NAA35: variants seen among roughly 807,000 people sequenced by gnomAD.
NAA35 encodes the protein MAK10 homolog, amino-acid N-acetyltransferase subunit.
A neutral mutation model predicts 101.7 loss-of-function variants in NAA35; 18 were observed. The observed-to-expected ratio is 0.18, with a 90% CI of 0.12 to 0.26. NAA35 has a LOEUF of 0.26. Among genes scored for constraint, NAA35 ranks in the 10% least tolerant of loss-of-function variants. NAA35 has a pLI of 1.00. For synonymous variants in NAA35, 267 were observed against 273.1 expected, an observed-to-expected ratio of 0.98 and a Z score of 0.22; for missense variants, 601 against 886.8, an observed-to-expected ratio of 0.68 and a Z score of 4.09.
chr9:85,965,399 G>A (rs1460209673), intron 6 of NAA35, among the ~76,000 whole-genome samples: 1 of 152,174 alleles, frequency 6.6e-6, no homozygotes, highest in Non-Finnish European at 1.5e-5. Context: ...AGGATGAAGT[G>A]GGCGGATGGC....
chr9:86,008,296 A>G (rs143027045), intron 14 of NAA35, among the ~76,000 whole-genome samples: 8 of 152,282 alleles, frequency 5.3e-5, no homozygotes, highest in Non-Finnish European at 7.4e-5. Context: ...CCCTGACCTC[A>G]AGTGATCTGC....
chr9:86,011,995 A>T (rs907999362), intron 15 of NAA35, among the ~76,000 whole-genome samples: 7 of 142,590 alleles, frequency 4.9e-5, no homozygotes, highest in African/African-American at 7.9e-5. Flanking sequence ...TATTATATAT[A>T]ATAATATATA....
intron 2 of NAA35, among the ~76,000 whole-genome samples, chr9:85,953,864 C>T (rs979673121): frequency 4.6e-5 from 7 of 152,134 alleles, no homozygotes; most frequent in Admixed American, 2.0e-4. Flanking sequence ...TCAGAATTTC[C>T]TTCCTTTTTA....
Position 86,024,760 on chromosome 9 carries a change from A to G in NAA35, c.*2800A>G, listed in dbSNP as rs886090161. Among the ~76,000 whole-genome samples the G allele has an allele frequency of 6.6e-6, 1 of 152,134 alleles. No individual in the cohort carries two copies. The highest frequency in any genetic ancestry group is 1.5e-5 in the Non-Finnish European group (1 of 68,020). ...CCAGGTTTGGGATAAAGATTGCTTTAGACATTGAGATATCTTTGGGACATC... is the reference window on the plus strand; with the variant it reads ...CCAGGTTTGGGATAAAGATTGCTTTGGACATTGAGATATCTTTGGGACATC... On this transcript the variant is annotated 3_prime_UTR_variant, in exon 23 of 23. Coordinates refer to ENST00000361671, the MANE Select transcript of NAA35 (RefSeq NM_024635.4).
At chr9:86,007,268 G>A (rs545523616) in intron 13 of NAA35, 90 bp from the exon 14 acceptor site, 225 of 866,732 alleles carry the variant, frequency 2.6e-4, no homozygotes, top group Admixed American at 1.2e-3. Flanking sequence ...AATCACTTGC[G>A]TAGTCTGTGG....
intron 11 of NAA35, among the ~76,000 whole-genome samples, chr9:85,995,420 A>G (rs1831112828): frequency 6.6e-6 from 1 of 151,986 alleles, no homozygotes; most frequent in Non-Finnish European, 1.5e-5. Context: ...CACAATTTAT[A>G]TTAGAATAAG....
At chr9:86,009,964 T>A in intron 15 of NAA35, 33 bp downstream of exon 15, 1 of 1,565,366 alleles carries the variant, frequency 6.4e-7, no homozygotes, top group Non-Finnish European at 8.8e-7. Context: ...TCATAATGGG[T>A]ACTTTAAAAA....
chr9:85,956,327 A>T, intron 2 of NAA35, 33 bp from the exon 3 acceptor site: 1 of 1,263,524 alleles, frequency 7.9e-7, no homozygotes, highest in South Asian at 1.4e-5. Context: ...AAATATAAAT[A>T]TGTTCAAAGG....
At chr9:85,945,856 G>T (rs1378405241) in intron 2 of NAA35, among the ~76,000 whole-genome samples, 1 of 152,078 alleles carries the variant, frequency 6.6e-6, no homozygotes, top group East Asian at 1.9e-4. Flanking sequence ...AAAATAGTTG[G>T]CATACTGATG....
intron 11 of NAA35, among the ~76,000 whole-genome samples, chr9:85,987,866 G>A (rs1354654864): frequency 1.3e-5 from 2 of 152,212 alleles, no homozygotes; most frequent in African/African-American, 4.8e-5. Flanking sequence ...GACAAAACTT[G>A]AAGGGAAAAA....
intron 14 of NAA35, among the ~76,000 whole-genome samples, chr9:86,008,154 C>T (rs1218702898): frequency 3.9e-5 from 6 of 152,214 alleles, no homozygotes; most frequent in African/African-American, 1.2e-4. Flanking sequence ...CCTCCGCCTC[C>T]TAGGTTCAAG....
chr9:86,003,093 A>G (rs1300773639), intron 12 of NAA35, among the ~76,000 whole-genome samples: 1 of 152,058 alleles, frequency 6.6e-6, no homozygotes, highest in African/African-American at 2.4e-5. Context: ...TCTGGTTTCA[A>G]AGTGGGGTAT....
intron 6 of NAA35, chr9:85,966,584 T>A (rs557239882): frequency 8.2e-7 from 1 of 1,215,696 alleles, no homozygotes; most frequent in African/African-American, 1.6e-5. Flanking sequence ...CTCACCCACC[T>A]CTTGATCTCA....
At chr9:85,941,670 C>T (rs1477222459) in intron 1 of NAA35, 1 of 986,220 alleles carries the variant, frequency 1.0e-6, no homozygotes, top group Non-Finnish European at 1.2e-6. Context: ...TCATTGCTCC[C>T]GGCGAGGTTC....
At chr9:85,951,119 C>T (rs1003064715) in intron 2 of NAA35, among the ~76,000 whole-genome samples, 2 of 145,676 alleles carry the variant, frequency 1.4e-5, no homozygotes, top group African/African-American at 5.1e-5. Context: ...GCCGGGGCGA[C>T]AGAGTGAGAC....
chr9:85,964,300 A>G (rs1829650242), intron 6 of NAA35, among the ~76,000 whole-genome samples: 1 of 152,052 alleles, frequency 6.6e-6, no homozygotes, highest in Non-Finnish European at 1.5e-5. Flanking sequence ...GCTCTCTCTC[A>G]TGTATATATG....
At chr9:85,962,371 A>G (rs1829552523) in intron 6 of NAA35, among the ~76,000 whole-genome samples, 191 bp downstream of exon 6, 1 of 151,484 alleles carries the variant, frequency 6.6e-6, no homozygotes, top group Non-Finnish European at 1.5e-5. Flanking sequence ...TGCATCTGTA[A>G]TCCCAGCTAC....
chr9:86,009,952 T>C (rs1277688924), intron 15 of NAA35, 21 bp downstream of exon 15: 1 of 1,592,050 alleles, frequency 6.3e-7, no homozygotes, highest in Admixed American at 1.7e-5. Flanking sequence ...CAATTTGGAT[T>C]GTCATAATGG....
intron 2 of NAA35, among the ~76,000 whole-genome samples, chr9:85,954,909 G>GATGTT (rs1829171994): frequency 6.6e-6 from 1 of 152,062 alleles, no homozygotes; most frequent in South Asian, 2.1e-4. Context: ...GCTATGTTTT[G>GATGTT]TTGTTTTGTT....
Sources: allele counts gnomAD v4.1 joint callset (sites outside exome capture counted in the v4.1 genomes callset), GRCh38; gene constraint gnomAD v4.1.1; transcripts MANE v1.5; gene names NCBI Gene and HGNC (gene_info 2026-07-23, HGNC 2026-07-21).